The following TAF11L12 variants were observed in gnomAD, a reference collection of about 807,000 sequenced individuals.
TAF11L12 encodes TATA-box-binding protein-associated factor 11-like protein 12.
exon 1 of TAF11L12, chr5:17,611,074 C>T: frequency 2.5e-6 from 1 of 397,844 alleles, no homozygotes. Flanking sequence ...GGATGGAATC[C>T]CTGAGGACCT....
At chr5:17,611,894 A>T (rs550432614), downstream of TAF11L12, among the ~76,000 whole-genome samples, 1 of 150,746 alleles carries the variant, frequency 6.6e-6, no homozygotes, top group South Asian at 2.1e-4. Context: ...GGAGAGGGAA[A>T]CCCTTTCCAG....
chr5:17,611,459 T>C (rs1288383986), exon 1 of TAF11L12: 3 of 397,920 alleles, frequency 7.5e-6, no homozygotes, highest in Non-Finnish European at 1.3e-5. Flanking sequence ...GAAGAGGCCC[T>C]GGACGTGTGC....
At chr5:17,611,840 AG>A (rs201331454), downstream of TAF11L12, among the ~76,000 whole-genome samples, 132 of 151,518 alleles carry the variant, frequency 8.7e-4, 2 homozygotes, top group East Asian at 0.02. Flanking sequence ...GGAAGAATAA[AG>A]GTGCCTGGGC....
rs566203426 is a variant in TAF11L12 at position 17,610,950 on chromosome 5, C to T, written c.-40C>T. On this transcript the variant is annotated 5_prime_UTR_variant, in exon 1 of 1. Coordinates refer to ENST00000503184, the Ensembl canonical transcript of TAF11L12. ...GAACCACCCCAGCCAGAACTTCTGC[C>T]TGTACAGCTGCTGTCACGGAGCAGA... 1.6e-4 allele frequency: 63 copies of T among 397,700 alleles called. 1 individual carries two copies. The highest frequency in any genetic ancestry group is 6.3e-4 in the Middle Eastern group (1 of 1,586). 24.6% of individuals were successfully genotyped at this position (397,700 alleles called of 1,614,324 possible). A position where few individuals can be genotyped will look rare whatever the true frequency, so the allele number is the denominator to read the frequency against.
In TAF11L12 at chr5:17,610,602, T is replaced by G. The variant is rs527517323; in HGVS notation, c.-388T>G. Reference sequence around the variant, plus strand: ...ACAGACCCTTCTCACGTGAAGGTAATGACCACACAGCCAGACCCATCCTGG... The same window carrying G: ...ACAGACCCTTCTCACGTGAAGGTAAGGACCACACAGCCAGACCCATCCTGG... On this transcript the variant is annotated 5_prime_UTR_variant, in exon 1 of 1. Coordinates refer to ENST00000503184, the Ensembl canonical transcript of TAF11L12. 3 of 186,102 alleles carry G rather than the reference T, an allele frequency of 1.6e-5. No homozygotes were observed. The Admixed American group carries it at 1.8e-4, about 11-fold the overall frequency. 11.5% of individuals were successfully genotyped at this position (186,102 alleles called of 1,614,324 possible).
downstream of TAF11L12, chr5:17,611,660 G>T (rs1318889223): frequency 2.5e-6 from 1 of 397,132 alleles, no homozygotes; most frequent in Non-Finnish European, 4.4e-6. Flanking sequence ...GACTGCATTT[G>T]CTGGAGCTTC....
exon 1 of TAF11L12, chr5:17,610,722 G>A: frequency 6.2e-6 from 2 of 324,668 alleles, no homozygotes; most frequent in Admixed American, 9.8e-5. Context: ...TCCAAAATTG[G>A]TGAGAATTTA....
chr5:17,611,804 A>T (rs1739281498), downstream of TAF11L12, among the ~76,000 whole-genome samples: 1 of 151,386 alleles, frequency 6.6e-6, no homozygotes, highest in African/African-American at 2.4e-5. Context: ...GGGCATATTG[A>T]GGCATTTTTC....
chr5:17,611,492 C>G lies in TAF11L12; in HGVS notation c.503C>G (p.Pro168Arg), dbSNP rs779270513. ...TGCGAGATGTGGGGAGAAACGCCCC[C>G]GCTGCAGCCCAAGCATTTAAGGGAG... Residue 168 changes from proline (P) to arginine (R), a missense_variant, in exon 1 of 1, where the codon CCG (proline) becomes CGG (arginine). Transcript: ENST00000503184. 2.5e-4 allele frequency: 99 copies of G among 397,740 alleles called. 2 individuals carry two copies. The highest frequency in any genetic ancestry group is 4.1e-4 in the Non-Finnish European group (92 of 225,680). The allele number at this position is 397,740 out of a possible 1,614,324, so 24.6% of individuals were successfully genotyped here.
chr5:17,611,614 G>C, downstream of TAF11L12: 1 of 398,012 alleles, frequency 2.5e-6, no homozygotes, highest in Non-Finnish European at 4.4e-6. Context: ...GTCTGTTTGT[G>C]CAGGAATAAG....
exon 1 of TAF11L12, chr5:17,610,719 T>A (rs1739259320): frequency 3.1e-6 from 1 of 318,020 alleles, no homozygotes; most frequent in South Asian, 1.6e-4. Context: ...ATATCCAAAA[T>A]TGGTGAGAAT....
At chr5:17,611,629 G>A (rs948949889), downstream of TAF11L12, 9 of 397,626 alleles carry the variant, frequency 2.3e-5, no homozygotes, top group East Asian at 7.1e-5. Flanking sequence ...AATAAGTATC[G>A]CATTCATCTT....
In TAF11L12 at chr5:17,610,855, T is replaced by C. The variant is rs1402091677; in HGVS notation, c.-135T>C. ...GGAGGCAGGGGGCTGTGTCCAGTTATGGTTAAACTGGCACAGCAGAAACAC... is the reference window on the plus strand; with the variant it reads ...GGAGGCAGGGGGCTGTGTCCAGTTACGGTTAAACTGGCACAGCAGAAACAC... On this transcript the variant is annotated 5_prime_UTR_variant, in exon 1 of 1. Coordinates refer to ENST00000503184, the Ensembl canonical transcript of TAF11L12. The C allele has an allele frequency of 1.3e-4, 50 of 394,644 alleles. No individual in the cohort carries two copies. In the East Asian group the frequency reaches 1.5e-3, roughly 12 times the overall value. 24.4% of individuals were successfully genotyped at this position (394,644 alleles called of 1,614,324 possible).
chr5:17,610,864 TG>T (rs1296563655), exon 1 of TAF11L12: 1 of 395,130 alleles, frequency 2.5e-6, no homozygotes, highest in African/African-American at 2.1e-5. Context: ...ATGGTTAAAC[TG>T]GCACAGCAGA....
At chr5:17,611,951 C>T (rs537277278), downstream of TAF11L12, among the ~76,000 whole-genome samples, 1 of 151,322 alleles carries the variant, frequency 6.6e-6, no homozygotes, top group Non-Finnish European at 1.5e-5. Flanking sequence ...CTGTGTCTTA[C>T]CTTGTATGCT....
chr5:17,611,130 A>G lies in TAF11L12; in HGVS notation c.141A>G (p.Arg47=), dbSNP rs550143710. 1.1e-3 allele frequency: 457 copies of G among 397,944 alleles called. 10 individuals are homozygous for G. Among genetic ancestry groups the G allele is most frequent in the Non-Finnish European group, 1.7e-3 (390 of 225,726 alleles). 24.7% of individuals were successfully genotyped at this position (397,944 alleles called of 1,614,324 possible). A position where few individuals can be genotyped will look rare whatever the true frequency, so the allele number is the denominator to read the frequency against. ...CCAGGGATCAGGAAAGTGAGCTCAGAAGTCAGGATGTCATGGACCTCACAG... is the reference window on the plus strand; with the variant it reads ...CCAGGGATCAGGAAAGTGAGCTCAGGAGTCAGGATGTCATGGACCTCACAG... The change falls in exon 1 of 1, where the codon AGA becomes AGG. Residue 47 remains arginine (R), a synonymous_variant. Coordinates refer to ENST00000503184, the Ensembl canonical transcript of TAF11L12.
upstream of TAF11L12, chr5:17,610,443 C>G (rs1579618524): frequency 1.3e-5 from 2 of 152,052 alleles, no homozygotes; most frequent in South Asian, 4.1e-4. Context: ...CCTAGGGAGC[C>G]TCACAGCCCA....
chr5:17,611,825 T>C (rs769252123), downstream of TAF11L12, among the ~76,000 whole-genome samples: 2 of 151,340 alleles, frequency 1.3e-5, no homozygotes, highest in Non-Finnish European at 2.9e-5. Flanking sequence ...TCTGTCTTTC[T>C]AGTTGGAAGA....
chr5:17,610,741 T>A lies in TAF11L12; in HGVS notation c.-249T>A, dbSNP rs148566939. On this transcript the variant is annotated 5_prime_UTR_variant, in exon 1 of 1. Transcript: ENST00000503184. ...AAATTGGTGAGAATTTATTCTGCAT[T>A]GATCTAAAACTAATATACTCTCCAT... The A allele has an allele frequency of 3.0e-3, 1,058 of 350,486 alleles. 30 individuals are homozygous for A. Among genetic ancestry groups the A allele is most frequent in the African/African-American group, 0.021 (1,001 of 47,340 alleles). 21.7% of individuals were successfully genotyped at this position (350,486 alleles called of 1,614,324 possible).
Sources: gnomAD v4.1 joint callset for allele counts (sites outside exome capture counted in the v4.1 genomes callset) on GRCh38, gnomAD v4.1.1 for gene constraint, MANE v1.5 for transcripts, NCBI Gene and HGNC (gene_info 2026-07-23, HGNC 2026-07-21) for gene names.